Variants in GPR107 observed in about 807,000 individuals in gnomAD.
The protein encoded by GPR107 is protein GPR107.
In GPR107, 31 loss-of-function variants were observed where a neutral mutation model predicts 75.5. The observed-to-expected ratio is 0.41, with a 90% CI of 0.31 to 0.55. GPR107 has a LOEUF of 0.55. Ranked by LOEUF, GPR107 falls within the 20% of genes least tolerant of loss-of-function variation. The probability of loss-of-function intolerance (pLI) is 0.26; values close to 1 mark genes in which losing one functional copy is unlikely to be tolerated. For synonymous variants in GPR107, 267 were observed against 251.3 expected, an observed-to-expected ratio of 1.06 and a Z score of -0.59; for missense variants, 572 against 665.7, an observed-to-expected ratio of 0.86 and a Z score of 1.55.
chr9:130,070,012 A>T (rs7862590), intron 1 of GPR107, among the ~76,000 whole-genome samples: 14,819 of 37,222 alleles, frequency 0.4, 2,215 homozygotes, highest in African/African-American at 0.46. Flanking sequence ...TTTTTTTTTT[A>T]AATTTTTTTG....
At chr9:130,074,134 C>T (rs1337481518) in intron 1 of GPR107, among the ~76,000 whole-genome samples, 1 of 152,156 alleles carries the variant, frequency 6.6e-6, no homozygotes, top group African/African-American at 2.4e-5. Flanking sequence ...TGAGTTGGAA[C>T]TGTGTCCCTC....
chr9:130,067,600 T>G (rs781219577), intron 1 of GPR107, among the ~76,000 whole-genome samples: 1 of 152,084 alleles, frequency 6.6e-6, no homozygotes, highest in Non-Finnish European at 1.5e-5. Context: ...GCTGGTGGAT[T>G]TTTGTTATGT....
intron 7 of GPR107, among the ~76,000 whole-genome samples, chr9:130,089,499 G>T (rs995571161): frequency 6.6e-6 from 1 of 152,084 alleles, no homozygotes; most frequent in African/African-American, 2.4e-5. Flanking sequence ...CATGGCGTGG[G>T]GATAGTGGTT....
intron 6 of GPR107, 41 bp downstream of exon 6, chr9:130,083,643 A>ATG (rs1830543852): frequency 7.6e-7 from 1 of 1,312,174 alleles, no homozygotes; most frequent in South Asian, 1.5e-5. Flanking sequence ...TTTTCTGGAT[A>ATG]TGTGTGTACG....
At position 130,107,682 on chromosome 9, in the gene GPR107, C is replaced by T. The variant is rs140628501; in HGVS notation, c.1306+143C>T. The T allele has an allele frequency of 5.1e-5, 36 of 710,784 alleles. 1 individual carries two copies. Among genetic ancestry groups the T allele is most frequent in the East Asian group, 3.1e-4 (12 of 38,554 alleles). The allele number at this position is 710,784 out of a possible 1,614,324, so 44.0% of individuals were successfully genotyped here. ...GCTAGGGGAGGCCTGGGGCCCACTTCGTGAGAGCAGCCAGGGGTAGTTTGG... is the reference window on the plus strand; with the variant it reads ...GCTAGGGGAGGCCTGGGGCCCACTTTGTGAGAGCAGCCAGGGGTAGTTTGG... On this transcript the variant is annotated intron_variant, in intron 14 of 17. Coordinates refer to ENST00000347136, the MANE Select transcript of GPR107 (RefSeq NM_020960.5).
chr9:130,082,992 C>T (rs1830529386), intron 5 of GPR107, among the ~76,000 whole-genome samples: 1 of 152,136 alleles, frequency 6.6e-6, no homozygotes, highest in African/African-American at 2.4e-5. Context: ...ATGATCTCAG[C>T]TCACTGCAGC....
At chr9:130,078,125 A>G (rs1000835872) in intron 4 of GPR107, among the ~76,000 whole-genome samples, 11 of 151,818 alleles carry the variant, frequency 7.2e-5, no homozygotes, top group African/African-American at 2.7e-4. Flanking sequence ...AGATCGCGCC[A>G]CTGCACTCCA....
chr9:130,114,688 T>G, intron 14 of GPR107: 23 of 1,047,482 alleles, frequency 2.2e-5, no homozygotes, highest in Non-Finnish European at 2.7e-5. Context: ...ACCCATCCTG[T>G]TTTACTTTCT....
intron 9 of GPR107, among the ~76,000 whole-genome samples, chr9:130,096,776 A>C (rs912468164): frequency 6.6e-6 from 1 of 152,082 alleles, no homozygotes; most frequent in Non-Finnish European, 1.5e-5. Context: ...GGATATTTCT[A>C]TATTCTTATA....
chr9:130,132,613 C>T (rs1289475278), intron 17 of GPR107, among the ~76,000 whole-genome samples: 1 of 152,028 alleles, frequency 6.6e-6, no homozygotes, highest in African/African-American at 2.4e-5. Flanking sequence ...ATGGTGAAAC[C>T]ACATCTCTAC....
chr9:130,060,888 C>T (rs1829912803), intron 1 of GPR107, among the ~76,000 whole-genome samples: 1 of 152,174 alleles, frequency 6.6e-6, no homozygotes, highest in Admixed American at 6.6e-5. Flanking sequence ...AGTGTAACTT[C>T]TGGGCTAGTC....
At chr9:130,134,998 C>G (rs782265711) in intron 17 of GPR107, 27 bp from the exon 18 acceptor site, 4 of 1,307,030 alleles carry the variant, frequency 3.1e-6, no homozygotes, top group South Asian at 1.2e-5. Context: ...TGAGATGTTC[C>G]TAATTGTTTT....
rs1193233653 is a variant in GPR107 at position 130,053,948 on chromosome 9, C to T, written c.16C>T (p.Pro6Ser). The T allele has an allele frequency of 4.5e-6, 7 of 1,556,180 alleles. No individual in the cohort carries two copies. Among genetic ancestry groups the T allele is most frequent in the Non-Finnish European group, 5.2e-6 (6 of 1,151,604 alleles). MAALA[P>S]VGSPASRGPR... ...TGGAACAAACATGGCCGCTCTGGCGCCCGTCGGCTCCCCCGCCTCCCGCGG... is the reference window on the plus strand; with the variant it reads ...TGGAACAAACATGGCCGCTCTGGCGTCCGTCGGCTCCCCCGCCTCCCGCGG... Residue 6 changes from proline (P) to serine (S), a missense_variant, in exon 1 of 18, where the codon CCC (proline) becomes TCC (serine). Physicochemically the swap from Pro to Ser is moderately conservative, Grantham distance 74. Transcript: ENST00000347136.
intron 17 of GPR107, 45 bp from the exon 18 acceptor site, chr9:130,134,980 A>C: frequency 2.7e-6 from 3 of 1,107,338 alleles, no homozygotes; most frequent in South Asian, 1.3e-5. Flanking sequence ...CCTTTTACTA[A>C]GAGACTGTGA....
At chr9:130,062,344 C>T (rs1316236253) in intron 1 of GPR107, among the ~76,000 whole-genome samples, 5 of 150,970 alleles carry the variant, frequency 3.3e-5, no homozygotes, top group Admixed American at 6.6e-5. Context: ...ACCTGGGAGG[C>T]GGAGGTTGCA....
chr9:130,131,314 C>T (rs1291822646), intron 17 of GPR107, among the ~76,000 whole-genome samples: 2 of 152,112 alleles, frequency 1.3e-5, no homozygotes, highest in East Asian at 3.9e-4. Context: ...CCCCAGGTGT[C>T]CCTTCAGCTT....
Position 130,101,233 on chromosome 9 carries a change from C to A in GPR107, c.1131+10C>A. On this transcript the variant is annotated intron_variant, in intron 12 of 17. Transcript: ENST00000347136. Reference sequence around the variant, plus strand: ...TGTCATTCCACTCCAGGTAAAAGAACCCTCATCCCATTTGTCACTTCCTTT... The same window carrying A: ...TGTCATTCCACTCCAGGTAAAAGAAACCTCATCCCATTTGTCACTTCCTTT... 7.5e-7 allele frequency: 1 copy of A among 1,341,634 alleles called. No individual in the cohort carries two copies. Among genetic ancestry groups the A allele is most frequent in the East Asian group, 2.3e-5 (1 of 43,644 alleles). The allele number at this position is 1,341,634 out of a possible 1,614,324, so 83.1% of individuals were successfully genotyped here.
In GPR107 at chr9:130,075,725, T is replaced by C. The variant is rs1166627009; in HGVS notation, c.231T>C (p.Asn77=). 6.3e-7 allele frequency: 1 copy of C among 1,581,172 alleles called. No homozygotes were observed. The highest frequency in any genetic ancestry group is 1.7e-5 in the Admixed American group (1 of 59,942). The stretch of plus-strand genomic sequence containing the variant: ...TGAATGTCAGTAGCCTCTCACTGAA[T>C]GAGCCTGAAGACAAGGATGTGACTG... ...MVVNVSSLSL[N]EPEDKDVTIG... The change falls in exon 2 of 18, where the codon AAT becomes AAC. Residue 77 remains asparagine, a synonymous_variant. Coordinates refer to ENST00000347136, the MANE Select transcript of GPR107 (RefSeq NM_020960.5).
chr9:130,137,111 C>A lies in GPR107; in HGVS notation c.*1990C>A, dbSNP rs1467406863. On this transcript the variant is annotated 3_prime_UTR_variant, in exon 18 of 18. Coordinates refer to ENST00000347136, the MANE Select transcript of GPR107 (RefSeq NM_020960.5). Reference sequence around the variant, plus strand: ...CCTCAGAGGGACACATTTGCTGTTTCTCCCGCAAGCAGATGTTGTGGATGA... The same window carrying A: ...CCTCAGAGGGACACATTTGCTGTTTATCCCGCAAGCAGATGTTGTGGATGA... The A allele has an allele frequency of 6.6e-6, 1 of 152,202 alleles. No homozygotes were observed. The highest frequency in any genetic ancestry group is 1.5e-5 in the Non-Finnish European group (1 of 68,036). The allele number at this position is 152,202 out of a possible 1,614,324, so 9.4% of individuals were successfully genotyped here.
Sources: allele counts gnomAD v4.1 joint callset (sites outside exome capture counted in the v4.1 genomes callset), GRCh38; gene constraint gnomAD v4.1.1; transcripts MANE v1.5; gene names NCBI Gene and HGNC (gene_info 2026-07-23, HGNC 2026-07-21).